Variants in NR3C1 observed in about 807,000 individuals in gnomAD.
NR3C1 encodes the protein nuclear receptor subfamily 3 group C member 1, also known as glucocorticoid receptor.
NR3C1 carries 14 observed loss-of-function variants against 74.0 expected under a neutral mutation model. That is an observed-to-expected ratio of 0.19 (90% confidence interval 0.12 to 0.30). The LOEUF (loss-of-function observed/expected upper bound fraction) is 0.30. Ranked by LOEUF, NR3C1 falls within the 10% of genes least tolerant of loss-of-function variation. The pLI is 1.00. For missense variants in NR3C1, 695 were observed against 909.8 expected, an observed-to-expected ratio of 0.76 and a Z score of 3.04; for synonymous variants, 308 against 332.5, an observed-to-expected ratio of 0.93 and a Z score of 0.80.
At chr5:143,347,541 A>G (rs1409120895) in intron 2 of NR3C1, among the ~76,000 whole-genome samples, 1 of 152,204 alleles carries the variant, frequency 6.6e-6, no homozygotes, top group African/African-American at 2.4e-5. Context: ...ATAGAGAGTG[A>G]CTTTCTGGGA....
intron 2 of NR3C1, among the ~76,000 whole-genome samples, chr5:143,338,414 T>C (rs963560534): frequency 2.6e-5 from 4 of 151,984 alleles, no homozygotes; most frequent in African/African-American, 9.7e-5. Flanking sequence ...AAAAAGGCAC[T>C]GTTATCACAG....
At position 143,367,723 on chromosome 5, in the gene NR3C1, A is replaced by G. The variant is rs116641439; in HGVS notation, c.1184+31933T>C. 7.7e-3 allele frequency among the ~76,000 whole-genome samples: 1,174 copies of G among 152,356 alleles called. 3 individuals carry two copies. The highest frequency in any genetic ancestry group is 0.041 in the Middle Eastern group (12 of 294). On this transcript the variant is annotated intron_variant, in intron 2 of 8. Transcript: ENST00000394464. ...AGACTTTTATATTGAAAACTACAAA[A>G]TATTAATGAAAGAAACTAAATATCT...
chr5:143,320,743 C>T (rs1329218746), intron 2 of NR3C1, among the ~76,000 whole-genome samples: 1 of 152,184 alleles, frequency 6.6e-6, no homozygotes, highest in Non-Finnish European at 1.5e-5. Flanking sequence ...GTATTTCTTT[C>T]TCATTGGAAG....
chr5:143,342,193 G>C (rs17100237), intron 2 of NR3C1, among the ~76,000 whole-genome samples: 1 of 151,844 alleles, frequency 6.6e-6, no homozygotes, highest in Non-Finnish European at 1.5e-5. Flanking sequence ...TGGTTACTTC[G>C]TTTAGTCTGT....
At chr5:143,296,978 TGAGGCAGAGAATCACTTGAACCCTG>T (rs1310200769) in intron 6 of NR3C1, among the ~76,000 whole-genome samples, 1 of 148,018 alleles carries the variant, frequency 6.8e-6, no homozygotes, top group Non-Finnish European at 1.5e-5. Context: ...TTCGGGAGGC[TGAGGCAGAGAATCACTTGAACCCTG>T]GAGGCAGAGG....
At chr5:143,283,949 A>C (rs1234708296) in intron 7 of NR3C1, among the ~76,000 whole-genome samples, 2 of 152,240 alleles carry the variant, frequency 1.3e-5, no homozygotes, top group Non-Finnish European at 2.9e-5. Context: ...CTTCTTGGAG[A>C]TATAACTGTG....
intron 1 of NR3C1, chr5:143,402,776 C>T: frequency 2.0e-6 from 2 of 985,412 alleles, no homozygotes; most frequent in Non-Finnish European, 2.4e-6. Context: ...CGCTCGGGCG[C>T]GCCGGGGTGG....
chr5:143,382,666 C>T (rs912021141), intron 2 of NR3C1, among the ~76,000 whole-genome samples: 1 of 152,178 alleles, frequency 6.6e-6, no homozygotes, highest in Non-Finnish European at 1.5e-5. Flanking sequence ...TCTGAAGAGT[C>T]CTAATTCTTA....
upstream of NR3C1, among the ~76,000 whole-genome samples, chr5:143,406,212 C>T (rs895670380): frequency 3.3e-5 from 5 of 151,808 alleles, no homozygotes; most frequent in African/African-American, 4.8e-5. Context: ...GCCTGTCTCA[C>T]TGCTGAATCT....
intron 2 of NR3C1, among the ~76,000 whole-genome samples, chr5:143,355,174 T>C (rs1381226835): frequency 6.6e-6 from 1 of 152,116 alleles, no homozygotes; most frequent in Non-Finnish European, 1.5e-5. Context: ...AAACAAGGTA[T>C]GCTTATATCT....
In NR3C1 at chr5:143,300,821, A is replaced by C; in HGVS notation, c.1469-58T>G. On this transcript the variant is annotated intron_variant, in intron 4 of 8. Transcript: ENST00000394464. This position sits in a 1 kb window ranked among gnomAD's most constrained non-coding sequence, Gnocchi z 5.2. ...ACTGTAATGGGAAGGTCTGCGCTAC[A>C]CAGTTTATTCAAGAAGTATTTTTAC... The C allele has an allele frequency of 6.9e-7, 1 of 1,455,218 alleles. No homozygotes were observed. The highest frequency in any genetic ancestry group is 1.9e-5 in the Admixed American group (1 of 52,894). 90.1% of individuals were successfully genotyped at this position (1,455,218 alleles called of 1,614,324 possible).
intron 2 of NR3C1, among the ~76,000 whole-genome samples, chr5:143,383,607 G>A (rs1836653150): frequency 6.6e-6 from 1 of 152,156 alleles, no homozygotes; most frequent in African/African-American, 2.4e-5. Context: ...CTACATAAAG[G>A]AAAGCATACA....
At chr5:143,303,024 A>G (rs1358792513) in intron 4 of NR3C1, among the ~76,000 whole-genome samples, 1 of 152,074 alleles carries the variant, frequency 6.6e-6, no homozygotes. Flanking sequence ...AACAAGATTG[A>G]TAGACCACTA....
At chr5:143,340,475 GAT>G (rs1827975258) in intron 2 of NR3C1, among the ~76,000 whole-genome samples, 2 of 110,116 alleles carry the variant, frequency 1.8e-5, no homozygotes, top group African/African-American at 7.2e-5. Flanking sequence ...CTTTAAAGAT[GAT>G]TTTTTTTTTT....
intron 3 of NR3C1, among the ~76,000 whole-genome samples, chr5:143,311,997 T>C (rs918627133): frequency 2.0e-5 from 3 of 152,032 alleles, no homozygotes; most frequent in Non-Finnish European, 4.4e-5. Context: ...CAATGAGATA[T>C]CTTATTTTGG....
chr5:143,350,691 C>G (rs1380079967), intron 2 of NR3C1, among the ~76,000 whole-genome samples: 1 of 152,022 alleles, frequency 6.6e-6, no homozygotes, highest in African/African-American at 2.4e-5. Context: ...ACTGAAGCAA[C>G]AGAAAAGGAT....
chr5:143,287,649 T>G (rs1198352522), intron 7 of NR3C1, among the ~76,000 whole-genome samples: 1 of 152,166 alleles, frequency 6.6e-6, no homozygotes, highest in African/African-American at 2.4e-5. Flanking sequence ...TCAACTCATT[T>G]TAAGAGGCTA....
At chr5:143,323,423 T>C (rs1475460845) in intron 2 of NR3C1, among the ~76,000 whole-genome samples, 1 of 152,102 alleles carries the variant, frequency 6.6e-6, no homozygotes, top group Non-Finnish European at 1.5e-5. Context: ...TTATTCACTA[T>C]CATGAGAATA....
intron 2 of NR3C1, among the ~76,000 whole-genome samples, chr5:143,316,426 C>T (rs759767456): frequency 6.6e-6 from 1 of 152,160 alleles, no homozygotes; most frequent in Non-Finnish European, 1.5e-5. Flanking sequence ...TATATATACA[C>T]ACATATGCAT....
Sources: gnomAD v4.1 joint callset for allele counts (sites outside exome capture counted in the v4.1 genomes callset) on GRCh38, gnomAD v4.1.1 for gene constraint, Gnocchi (gnomAD v3.1) non-coding constraint, MANE v1.5 for transcripts, NCBI Gene and HGNC (gene_info 2026-07-23, HGNC 2026-07-21) for gene names.